Variants in RUNX1 observed in about 807,000 individuals in gnomAD.
The protein encoded by RUNX1 is runt-related transcription factor 1.
A neutral mutation model predicts 42.8 loss-of-function variants in RUNX1; 19 were observed. The observed-to-expected ratio is 0.44, with a 90% CI of 0.31 to 0.65. The LOEUF (loss-of-function observed/expected upper bound fraction) is 0.65, where lower values mean the gene tolerates loss of function less well. RUNX1 is among the 30% of genes least tolerant of loss of function. RUNX1 has a pLI of 0.07. For missense variants in RUNX1, 528 were observed against 672.0 expected (o/e 0.79, Z 2.37); for synonymous variants, 271 against 289.4 (o/e 0.94, Z 0.64).
chr21:34,968,169 G>A (rs1397968762), intron 2 of RUNX1, among the ~76,000 whole-genome samples: 1 of 152,200 alleles, frequency 6.6e-6, no homozygotes, highest in Non-Finnish European at 1.5e-5. Context: ...ATGTCTGAGT[G>A]GGCGAGTTGC....
chr21:34,915,564 T>C (rs1050066832), intron 2 of RUNX1, among the ~76,000 whole-genome samples: 2 of 152,226 alleles, frequency 1.3e-5, no homozygotes, highest in African/African-American at 2.4e-5. Context: ...GGGAAAAGCA[T>C]TTTAAAAGCA....
intron 2 of RUNX1, among the ~76,000 whole-genome samples, chr21:35,010,736 T>G (rs2059120754): frequency 6.6e-6 from 1 of 152,198 alleles, no homozygotes. Flanking sequence ...AGCACTCATG[T>G]AATTTTACAT....
intron 6 of RUNX1, chr21:34,856,309 AG>A: frequency 1.9e-6 from 1 of 516,234 alleles, no homozygotes; most frequent in Non-Finnish European, 3.9e-6. Flanking sequence ...CTCAAGTCAA[AG>A]GCTCCACACC....
intron 2 of RUNX1, among the ~76,000 whole-genome samples, chr21:34,919,698 A>T (rs2058339799): frequency 6.6e-6 from 1 of 152,058 alleles, no homozygotes; most frequent in African/African-American, 2.4e-5. Flanking sequence ...GAATTGAAAC[A>T]AAATTAGATT....
intron 7 of RUNX1, among the ~76,000 whole-genome samples, chr21:34,828,609 T>C (rs139936118): frequency 2.6e-4 from 39 of 152,342 alleles, no homozygotes; most frequent in African/African-American, 9.1e-4. Flanking sequence ...CAAAAGTTCA[T>C]ATGTTGGAAA....
At chr21:34,832,073 A>G (rs2057070325) in intron 7 of RUNX1, among the ~76,000 whole-genome samples, 1 of 16,494 alleles carries the variant, frequency 6.1e-5, no homozygotes, top group Non-Finnish European at 1.1e-4. Flanking sequence ...TAGAGTAGCA[A>G]CCAAGCCCGT....
At chr21:34,793,234 A>T (rs1336114210) in intron 8 of RUNX1, among the ~76,000 whole-genome samples, 2 of 152,074 alleles carry the variant, frequency 1.3e-5, no homozygotes, top group Non-Finnish European at 2.9e-5. Context: ...GGGGATCAGG[A>T]GGCTGCTACT....
chr21:34,826,604 T>C (rs1244183739), intron 7 of RUNX1, among the ~76,000 whole-genome samples: 1 of 141,762 alleles, frequency 7.1e-6, no homozygotes, highest in Non-Finnish European at 1.5e-5. Flanking sequence ...GCCCAGCTAA[T>C]TTTTTTTTTT....
At chr21:35,032,523 G>A (rs181380972) in intron 2 of RUNX1, among the ~76,000 whole-genome samples, 2 of 152,338 alleles carry the variant, frequency 1.3e-5, no homozygotes, top group African/African-American at 2.4e-5. Context: ...GATCAGTCCC[G>A]TGACTATGAA....
intron 2 of RUNX1, among the ~76,000 whole-genome samples, chr21:35,026,848 G>C (rs1391042176): frequency 6.6e-6 from 1 of 152,244 alleles, no homozygotes; most frequent in Non-Finnish European, 1.5e-5. Context: ...GGTGCGCAGC[G>C]CGCCGCAGCG....
chr21:34,923,248 T>A (rs749409364), intron 2 of RUNX1, among the ~76,000 whole-genome samples: 40 of 152,234 alleles, frequency 2.6e-4, no homozygotes, highest in Non-Finnish European at 4.4e-4. Flanking sequence ...GGCTGCTGAT[T>A]CCCTTTCATC....
chr21:34,823,844 C>G (rs2056947126), intron 7 of RUNX1, among the ~76,000 whole-genome samples: 1 of 152,206 alleles, frequency 6.6e-6, no homozygotes, highest in South Asian at 2.1e-4. Context: ...TCTGCCCATA[C>G]TGATTCCCTC....
intron 2 of RUNX1, among the ~76,000 whole-genome samples, chr21:34,991,870 C>T (rs747752845): frequency 2.0e-5 from 3 of 152,120 alleles, no homozygotes; most frequent in East Asian, 1.9e-4. Flanking sequence ...GAAGAAAAAA[C>T]GGACAGACAG....
At chr21:34,870,970 A>G (rs2057728761) in intron 5 of RUNX1, among the ~76,000 whole-genome samples, 1 of 152,084 alleles carries the variant, frequency 6.6e-6, no homozygotes, top group Non-Finnish European at 1.5e-5. Context: ...AAAAAACAAA[A>G]ACAAAAAAAC....
intron 8 of RUNX1, among the ~76,000 whole-genome samples, chr21:34,797,704 G>A (rs57381612): frequency 0.052 from 7,974 of 152,276 alleles, 691 homozygotes; most frequent in African/African-American, 0.18. Flanking sequence ...ATGCCTTGGA[G>A]CAGAATGTAC....
chr21:34,821,283 GA>G, intron 7 of RUNX1: 1 of 1,089,800 alleles, frequency 9.2e-7, no homozygotes, highest in Non-Finnish European at 1.1e-6. Context: ...CAATAATAGT[GA>G]AAAAGAATAA....
At chr21:34,934,884 G>A (rs981708641) in intron 2 of RUNX1, among the ~76,000 whole-genome samples, 5 of 152,096 alleles carry the variant, frequency 3.3e-5, no homozygotes, top group Non-Finnish European at 5.9e-5. Flanking sequence ...AAGACTTTCA[G>A]CTACTCATTA....
At chr21:34,983,872 A>G (rs1002438842) in intron 2 of RUNX1, among the ~76,000 whole-genome samples, 2 of 152,198 alleles carry the variant, frequency 1.3e-5, no homozygotes, top group African/African-American at 4.8e-5. Flanking sequence ...GGTCATCACC[A>G]TTAACTCTGA....
At chr21:34,976,396 T>C (rs1309458335) in intron 2 of RUNX1, among the ~76,000 whole-genome samples, 1 of 152,222 alleles carries the variant, frequency 6.6e-6, no homozygotes, top group Non-Finnish European at 1.5e-5. Flanking sequence ...ATGAGGGAAG[T>C]AAAACACTAA....
Sources: gnomAD v4.1 joint callset for allele counts (sites outside exome capture counted in the v4.1 genomes callset) on GRCh38, gnomAD v4.1.1 for gene constraint, MANE v1.5 for transcripts, NCBI Gene and HGNC (gene_info 2026-07-23, HGNC 2026-07-21) for gene names.